Variants in DDX21 observed in about 807,000 individuals in gnomAD.
DDX21 encodes the protein nucleolar RNA helicase 2.
Under a neutral mutation model 90.0 loss-of-function variants are expected in DDX21, and 18 were observed. The observed-to-expected ratio is 0.20, with a 90% confidence interval of 0.14 to 0.30. DDX21 has a LOEUF of 0.30. Among genes scored for constraint, DDX21 ranks in the 10% least tolerant of loss-of-function variants. The pLI, the probability that DDX21 is intolerant of heterozygous loss-of-function variation, is 1.00. For missense variants in DDX21, 673 were observed against 944.5 expected (o/e 0.71, Z 3.77); for synonymous variants, 294 against 318.0 (o/e 0.92, Z 0.80).
chr10:68,984,152 A>T lies in DDX21; in HGVS notation c.*1340A>T, dbSNP rs1843234558. 6.6e-6 allele frequency: 1 copy of T among 152,188 alleles called. No homozygotes were observed. Among genetic ancestry groups the T allele is most frequent in the Non-Finnish European group, 1.5e-5 (1 of 68,028 alleles). 9.4% of individuals were successfully genotyped at this position (152,188 alleles called of 1,614,324 possible). A position where few individuals can be genotyped will look rare whatever the true frequency, so the allele number is the denominator to read the frequency against. On this transcript the variant is annotated 3_prime_UTR_variant, in exon 15 of 15. Transcript: ENST00000354185. ...TATCTTCTCGCCTTAATTTCCAGAGATTATTTCTGTACTGAGAATCCTGGA... is the reference window on the plus strand; with the variant it reads ...TATCTTCTCGCCTTAATTTCCAGAGTTTATTTCTGTACTGAGAATCCTGGA...
rs894561847 is a variant in DDX21, at chr10:68,960,130, G to A, written c.412G>A (p.Glu138Lys). Reference protein sequence around the residue: ...PKPKKMKKEKEMNGETREKSP... With the variant: ...PKPKKMKKEKKMNGETREKSP... ...GCCCAAGAAGATGAAGAAAGAAAAGGAAATGAATGGAGAAACTAGAGAGAA... is the reference window on the plus strand; with the variant it reads ...GCCCAAGAAGATGAAGAAAGAAAAGAAAATGAATGGAGAAACTAGAGAGAA... The change falls in exon 2 of 15, where the codon GAA (glutamate) becomes AAA (lysine). Residue 138 changes from glutamate (E) to lysine (K), a missense_variant. By Grantham distance (56) the Glu-to-Lys change is moderately conservative. Transcript: ENST00000354185. 2 of 1,613,968 alleles carry A rather than the reference G, an allele frequency of 1.2e-6. No homozygotes were observed. The highest frequency in any genetic ancestry group is 2.7e-5 in the African/African-American group (2 of 74,916).
At chr10:68,971,863 GTTC>G in intron 8 of DDX21, 25 bp from the exon 9 acceptor site, 1 of 1,605,776 alleles carries the variant, frequency 6.2e-7, no homozygotes, top group South Asian at 1.1e-5. Flanking sequence ...TGGAACTGGT[GTTC>G]TTACATCCGT....
At chr10:68,970,813 C>T (rs1162151886) in intron 8 of DDX21, among the ~76,000 whole-genome samples, 1 of 151,976 alleles carries the variant, frequency 6.6e-6, no homozygotes, top group East Asian at 1.9e-4. Context: ...CCAGCATGCC[C>T]AGCTAATTTT....
At chr10:68,970,180 T>G (rs777760938) in intron 7 of DDX21, 21 bp from the exon 8 acceptor site, 30 of 1,588,644 alleles carry the variant, frequency 1.9e-5, no homozygotes, top group Non-Finnish European at 2.3e-5. Flanking sequence ...TAAATAGATG[T>G]TTTTTTTCTT....
chr10:68,962,214 T>C (rs1842880589), intron 3 of DDX21, 57 bp downstream of exon 3: 3 of 1,332,962 alleles, frequency 2.3e-6, no homozygotes, highest in Non-Finnish European at 3.2e-6. Flanking sequence ...ACAGAAGCAC[T>C]CCACTATTTT....
At chr10:68,973,461 T>C in intron 9 of DDX21, 84 bp from the exon 10 acceptor site, 1 of 1,547,404 alleles carries the variant, frequency 6.5e-7, no homozygotes, top group Non-Finnish European at 8.9e-7. Flanking sequence ...CCACAATTGC[T>C]AGTGTTCACT....
chr10:68,964,101 GAA>G (rs750726882), intron 4 of DDX21: 2,534 of 232,164 alleles, frequency 0.011, no homozygotes, highest in Middle Eastern at 0.025. Flanking sequence ...TCCGTCTCAA[GAA>G]AAAAAAAAAA....
rs751503485 is a variant in DDX21, at chr10:68,982,786, A to T, written c.2326A>T (p.Ser776Cys). 1 of 1,614,202 alleles carries T rather than the reference A, an allele frequency of 6.2e-7. No individual in the cohort carries two copies. The highest frequency in any genetic ancestry group is 1.1e-5 in the South Asian group (1 of 91,082). ...NRSQNKGQKR[S>C]FSKAFGQ ...ATCCCAAAACAAAGGCCAGAAGCGGAGTTTCAGTAAAGCATTTGGTCAATA... is the reference window on the plus strand; with the variant it reads ...ATCCCAAAACAAAGGCCAGAAGCGGTGTTTCAGTAAAGCATTTGGTCAATA... Residue 776 changes from serine (S) to cysteine (C), a missense_variant, in exon 15 of 15, where the codon AGT (serine) becomes TGT (cysteine). Around this residue, in one of 4 missense-constraint regions of DDX21, gnomAD observed 225 missense variants for 298.8 expected, o/e 0.75. Coordinates refer to ENST00000354185, the MANE Select transcript of DDX21 (RefSeq NM_004728.4).
intron 1 of DDX21, among the ~76,000 whole-genome samples, chr10:68,958,395 A>C (rs1281686098): frequency 6.6e-6 from 1 of 151,854 alleles, no homozygotes; most frequent in Non-Finnish European, 1.5e-5. Context: ...CAGCCTCCTA[A>C]GTAGCTAGGA....
At position 68,983,037 on chromosome 10, in the gene DDX21, T is replaced by C; in HGVS notation, c.*225T>C. On this transcript the variant is annotated 3_prime_UTR_variant, in exon 15 of 15. Transcript: ENST00000354185. ...TTCATCAGTTTTTCCTTTTGAAAGG[T>C]GTATGAATTCATTACATTTTTATTC... 1.6e-6 allele frequency: 1 copy of C among 611,124 alleles called. No individual in the cohort carries two copies. The highest frequency in any genetic ancestry group is 2.3e-5 in the South Asian group (1 of 44,284). The allele number at this position is 611,124 out of a possible 1,614,324, so 37.9% of individuals were successfully genotyped here.
chr10:68,970,117 T>A, intron 7 of DDX21, 84 bp from the exon 8 acceptor site: 1 of 1,290,482 alleles, frequency 7.7e-7, no homozygotes, highest in Non-Finnish European at 1.1e-6. Flanking sequence ...AGAACATTAG[T>A]GTTGTGCTCA....
rs752876743 is a variant in DDX21, at chr10:68,970,160, A to T, written c.1237-41A>T. 8 of 1,570,350 alleles carry T rather than the reference A, an allele frequency of 5.1e-6. No individual in the cohort carries two copies. The Admixed American group carries it at 1.5e-4, about 29-fold the overall frequency. ...TTGTGTTGTGATTTTAGTTTCCAGC[A>T]AAGCTTTACTAAATAGATGTTTTTT... On this transcript the variant is annotated intron_variant, in intron 7 of 14. Transcript: ENST00000354185.
At chr10:68,979,765 T>A (rs1158551756) in intron 13 of DDX21, among the ~76,000 whole-genome samples, 1 of 152,222 alleles carries the variant, frequency 6.6e-6, no homozygotes, top group Non-Finnish European at 1.5e-5. Context: ...CTTAAGCAAC[T>A]CCACAAAACT....
intron 13 of DDX21, 70 bp from the exon 14 acceptor site, chr10:68,981,467 C>G: frequency 7.7e-7 from 1 of 1,300,098 alleles, no homozygotes; most frequent in East Asian, 2.4e-5. Flanking sequence ...TTAAAGAATA[C>G]GTGGTCTTTT....
chr10:68,979,426 C>G (rs1465871395), intron 13 of DDX21, among the ~76,000 whole-genome samples: 1 of 152,132 alleles, frequency 6.6e-6, no homozygotes, highest in African/African-American at 2.4e-5. Context: ...TTCACAATCC[C>G]TTTAGCAAAT....
At chr10:68,972,421 T>C (rs1843038746) in intron 9 of DDX21, among the ~76,000 whole-genome samples, 1 of 152,150 alleles carries the variant, frequency 6.6e-6, no homozygotes. Flanking sequence ...TTAGAGATGC[T>C]TAGGTTTGTG....
In DDX21 at chr10:68,984,150, A is replaced by C. The variant is rs1180307029; in HGVS notation, c.*1338A>C. ...ATTATCTTCTCGCCTTAATTTCCAG[A>C]GATTATTTCTGTACTGAGAATCCTG... On this transcript the variant is annotated 3_prime_UTR_variant, in exon 15 of 15. Transcript: ENST00000354185. 6.6e-6 allele frequency: 1 copy of C among 152,190 alleles called. No individual in the cohort carries two copies. The highest frequency in any genetic ancestry group is 2.4e-5 in the African/African-American group (1 of 41,442). 9.4% of individuals were successfully genotyped at this position (152,190 alleles called of 1,614,324 possible).
intron 1 of DDX21, 96 bp from the exon 2 acceptor site, chr10:68,959,710 T>C: frequency 1.0e-6 from 1 of 967,598 alleles, no homozygotes. Flanking sequence ...TTTTTTAAAG[T>C]TGAAAATGAT....
chr10:68,962,273 T>C, intron 3 of DDX21, 116 bp downstream of exon 3: 2 of 721,138 alleles, frequency 2.8e-6, no homozygotes, highest in Non-Finnish European at 4.6e-6. Context: ...ATATATGCAG[T>C]CATATAATGA....
Sources: gnomAD v4.1 joint callset for allele counts (sites outside exome capture counted in the v4.1 genomes callset) on GRCh38, gnomAD v4.1.1 for gene constraint, gnomAD v4.1.1 regional missense constraint, MANE v1.5 for transcripts, NCBI Gene and HGNC (gene_info 2026-07-23, HGNC 2026-07-21) for gene names.